Variants in WDFY3 observed in about 807,000 individuals in gnomAD.
WDFY3 encodes the protein WD repeat and FYVE domain containing 3, also known as WD repeat and FYVE domain-containing protein 3.
A neutral mutation model predicts 409.6 loss-of-function variants in WDFY3; 66 were observed. That is an observed-to-expected ratio of 0.16 (90% CI 0.13 to 0.20). The LOEUF (loss-of-function observed/expected upper bound fraction) is 0.20, where lower values mean the gene tolerates loss of function less well. WDFY3 is among the 10% of genes least tolerant of loss of function. The pLI, the probability that WDFY3 is intolerant of heterozygous loss-of-function variation, is 1.00. For synonymous variants in WDFY3, 1,521 were observed against 1,537.1 expected, an observed-to-expected ratio of 0.99 and a Z score of 0.25; for missense variants, 3,031 against 4,298.1, an observed-to-expected ratio of 0.71 and a Z score of 8.24.
At chr4:84,948,667 C>A (rs1373090852) in intron 1 of WDFY3, among the ~76,000 whole-genome samples, 1 of 152,146 alleles carries the variant, frequency 6.6e-6, no homozygotes, top group African/African-American at 2.4e-5. Context: ...TGATGCCTAC[C>A]CTGTTCTACT....
intron 67 of WDFY3, among the ~76,000 whole-genome samples, chr4:84,673,910 C>A (rs1725836720): frequency 6.6e-6 from 1 of 152,138 alleles, no homozygotes; most frequent in Non-Finnish European, 1.5e-5. Context: ...AGCCACTGTG[C>A]CTGGCCTTGA....
intron 53 of WDFY3, among the ~76,000 whole-genome samples, chr4:84,706,734 G>C (rs1481979293): frequency 6.6e-6 from 1 of 151,870 alleles, no homozygotes; most frequent in African/African-American, 2.4e-5. Flanking sequence ...ATGCACGATG[G>C]GCACCAGGCA....
intron 65 of WDFY3, 73 bp from the exon 66 acceptor site, chr4:84,678,352 A>G: frequency 1.8e-6 from 2 of 1,138,888 alleles, no homozygotes; most frequent in Non-Finnish European, 2.7e-6. Context: ...CTACTCTAAG[A>G]TGGTGGCCTT....
intron 5 of WDFY3, among the ~76,000 whole-genome samples, chr4:84,842,223 T>C (rs1757459360): frequency 6.6e-6 from 1 of 152,162 alleles, no homozygotes; most frequent in Admixed American, 6.5e-5. Flanking sequence ...ACACCTGTAA[T>C]CCCAGCACTT....
rs558230604 is a variant in WDFY3, at chr4:84,755,208, A to G, written c.5559+58T>C. 261 of 1,580,598 alleles carry G rather than the reference A, an allele frequency of 1.7e-4. 2 individuals carry two copies. In the African/African-American group the frequency reaches 3.2e-3, roughly 19 times the overall value. On this transcript the variant is annotated intron_variant, in intron 34 of 67. Coordinates refer to ENST00000295888, the MANE Select transcript of WDFY3 (RefSeq NM_014991.6). ...TTACCAAAAAATTCCTCTATTTACA[A>G]AAAAGTATCCTAGGCAGGAGGAATT... is the stretch of plus-strand genomic sequence containing the variant.
intron 67 of WDFY3, 115 bp from the exon 68 acceptor site, chr4:84,673,106 G>T: frequency 3.6e-6 from 5 of 1,381,876 alleles, no homozygotes; most frequent in South Asian, 1.4e-5. Flanking sequence ...GGCCATACTG[G>T]TTTGTGTTGT....
At chr4:84,910,741 T>C (rs1767648461) in intron 2 of WDFY3, among the ~76,000 whole-genome samples, 1 of 152,202 alleles carries the variant, frequency 6.6e-6, no homozygotes. Flanking sequence ...AGTCTCACTC[T>C]GTCGCCCAGG....
intron 45 of WDFY3, among the ~76,000 whole-genome samples, chr4:84,725,192 G>A (rs1735470391): frequency 6.6e-6 from 1 of 152,172 alleles, no homozygotes; most frequent in Admixed American, 6.5e-5. Flanking sequence ...TTTTATGCCA[G>A]GTGACACTCT....
Position 84,796,717 on chromosome 4 carries a change from C to A in WDFY3, c.2971G>T (p.Asp991Tyr), listed in dbSNP as rs757637201. The change falls in exon 19 of 68, where the codon GAT becomes TAT. Residue 991 changes from aspartate to tyrosine, a missense_variant. Asp to Tyr is a radical substitution (Grantham distance 160, BLOSUM62 -3). This residue lies in a region of WDFY3 where 1,322 missense variants were observed against 1,697.9 expected (regional missense o/e 0.78). Coordinates refer to ENST00000295888, the MANE Select transcript of WDFY3 (RefSeq NM_014991.6). ...MITSLEGLGT[D>Y]NVFSLHEDNH... ...TCTTCATGTAAGCTAAAAACATTAT[C>A]AGTACCCAGACCTTCCAGAGATGTG... 1.1e-5 allele frequency: 17 copies of A among 1,613,892 alleles called. No individual in the cohort carries two copies. The highest frequency in any genetic ancestry group is 1.4e-5 in the Non-Finnish European group (17 of 1,179,950).
intron 7 of WDFY3, among the ~76,000 whole-genome samples, chr4:84,835,588 T>C (rs138569712): frequency 6.6e-6 from 1 of 152,300 alleles, no homozygotes; most frequent in African/African-American, 2.4e-5. Context: ...AACATACTGA[T>C]TTAGTATTTT....
intron 12 of WDFY3, 55 bp downstream of exon 12, chr4:84,820,030 A>C: frequency 7.0e-7 from 1 of 1,433,930 alleles, no homozygotes; most frequent in Non-Finnish European, 9.5e-7. Flanking sequence ...ATAACCACAG[A>C]AGATGTAATC....
At chr4:84,673,788 T>A (rs7440827) in intron 67 of WDFY3, among the ~76,000 whole-genome samples, 17,701 of 150,418 alleles carry the variant, frequency 0.12, 1,325 homozygotes, top group African/African-American at 0.21. Context: ...AAAAAAAAAA[T>A]TTTTTTTTGG....
chr4:84,804,335 A>C (rs1751155233), intron 15 of WDFY3, among the ~76,000 whole-genome samples: 1 of 152,188 alleles, frequency 6.6e-6, no homozygotes, highest in Admixed American at 6.5e-5. Context: ...GAGCTCTGTC[A>C]CAGAGAGCAA....
At chr4:84,805,355 C>A (rs1420652150) in intron 15 of WDFY3, among the ~76,000 whole-genome samples, 1 of 152,022 alleles carries the variant, frequency 6.6e-6, no homozygotes, top group African/African-American at 2.4e-5. Flanking sequence ...AAGCAATATT[C>A]TGAAAAAGGA....
intron 39 of WDFY3, among the ~76,000 whole-genome samples, chr4:84,739,641 G>A (rs1461721954): frequency 6.6e-6 from 1 of 152,060 alleles, no homozygotes; most frequent in Admixed American, 6.6e-5. Context: ...CAGGTTAGGG[G>A]CCCCTCTTAT....
At chr4:84,774,193 A>G (rs1745169852) in intron 29 of WDFY3, among the ~76,000 whole-genome samples, 1 of 152,156 alleles carries the variant, frequency 6.6e-6, no homozygotes, top group African/African-American at 2.4e-5. Flanking sequence ...AGTTTAAGCA[A>G]TTCTCTACTT....
intron 3 of WDFY3, among the ~76,000 whole-genome samples, chr4:84,895,931 TAA>T (rs926378479): frequency 7.2e-5 from 11 of 151,940 alleles, no homozygotes; most frequent in African/African-American, 2.7e-4. Context: ...GTGCAAAAGA[TAA>T]AAAGAGACAA....
At chr4:84,844,239 C>T (rs1033850011) in intron 5 of WDFY3, among the ~76,000 whole-genome samples, 1 of 152,020 alleles carries the variant, frequency 6.6e-6, no homozygotes, top group Admixed American at 6.6e-5. Flanking sequence ...CCATTTAAAG[C>T]GTATTCCATT....
Position 84,688,377 on chromosome 4 carries a change from T to C in WDFY3, c.9364-112A>G, listed in dbSNP as rs1728676643. 4.7e-6 allele frequency: 5 copies of C among 1,074,236 alleles called. No individual in the cohort carries two copies. In the East Asian group the frequency reaches 1.3e-4, roughly 28 times the overall value. The allele number at this position is 1,074,236 out of a possible 1,614,324, so 66.5% of individuals were successfully genotyped here. On this transcript the variant is annotated intron_variant, in intron 61 of 67. Coordinates refer to ENST00000295888, the MANE Select transcript of WDFY3 (RefSeq NM_014991.6). ...AAGCAGTGGCACGCATGCTAGGTAGTAGGTGACTTGAGCAGTGGTGTCTGG... is the reference window on the plus strand; with the variant it reads ...AAGCAGTGGCACGCATGCTAGGTAGCAGGTGACTTGAGCAGTGGTGTCTGG...
Sources: gnomAD v4.1 joint callset for allele counts (sites outside exome capture counted in the v4.1 genomes callset) on GRCh38, gnomAD v4.1.1 for gene constraint, gnomAD v4.1.1 regional missense constraint, MANE v1.5 for transcripts, NCBI Gene and HGNC (gene_info 2026-07-23, HGNC 2026-07-21) for gene names.